ANKRD28: variants seen among roughly 807,000 people sequenced by gnomAD.
ANKRD28 encodes the protein ankyrin repeat domain 28.
Under a neutral mutation model 126.5 loss-of-function variants are expected in ANKRD28, and 44 were observed. That is an observed-to-expected ratio of 0.35 (90% CI 0.27 to 0.45). ANKRD28 has a LOEUF of 0.45. Among genes scored for constraint, ANKRD28 ranks in the 20% least tolerant of loss-of-function variants. The pLI is 1.00. For synonymous variants in ANKRD28, 442 were observed against 468.5 expected (o/e 0.94, Z 0.73); for missense variants, 1,110 against 1,316.6 (o/e 0.84, Z 2.43).
In ANKRD28 at chr3:15,858,760, T is replaced by A. The variant is rs116314809; in HGVS notation, c.27+617A>T. Among the ~76,000 whole-genome samples the A allele has an allele frequency of 3.6e-3, 545 of 152,330 alleles. 4 individuals carry two copies. Among genetic ancestry groups the A allele is most frequent in the African/African-American group, 0.013 (524 of 41,566 alleles). On this transcript the variant is annotated intron_variant, in intron 1 of 27. Coordinates refer to the ANKRD28 transcript ENST00000399451. The stretch of plus-strand genomic sequence containing the variant: ...ACATTCAGATACAGTTGCGATTTCG[T>A]TCCTAGATACAAAGTAGTTTTTCAG...
chr3:15,735,129 T>C (rs908121750), intron 6 of ANKRD28, among the ~76,000 whole-genome samples: 1 of 152,208 alleles, frequency 6.6e-6, no homozygotes, highest in East Asian at 1.9e-4. Context: ...GAATGGGCTT[T>C]AGTAAACATC....
chr3:15,741,381 T>C (rs529360058), intron 4 of ANKRD28, among the ~76,000 whole-genome samples: 2 of 152,248 alleles, frequency 1.3e-5, no homozygotes, highest in African/African-American at 4.8e-5. Flanking sequence ...ATATTATCAG[T>C]GTATCATCAT....
chr3:15,697,094 A>G (rs2069702024), intron 14 of ANKRD28, among the ~76,000 whole-genome samples: 1 of 152,232 alleles, frequency 6.6e-6, no homozygotes, highest in Admixed American at 6.5e-5. Flanking sequence ...TATATACACC[A>G]TGGAATACTA....
At chr3:15,721,205 T>C in intron 7 of ANKRD28, 78 bp from the exon 8 acceptor site, 1 of 1,204,710 alleles carries the variant, frequency 8.3e-7, no homozygotes, top group Non-Finnish European at 1.2e-6. Flanking sequence ...TAGCAACCTG[T>C]GGTTGCAATC....
chr3:15,695,284 T>G, intron 15 of ANKRD28, 70 bp from the exon 16 acceptor site: 1 of 1,181,848 alleles, frequency 8.5e-7, no homozygotes, highest in Non-Finnish European at 1.2e-6. Context: ...TCAACTTATA[T>G]AGAGCTTTGC....
chr3:15,704,191 C>A (rs1022637840), intron 14 of ANKRD28, among the ~76,000 whole-genome samples: 2 of 152,002 alleles, frequency 1.3e-5, no homozygotes, highest in Non-Finnish European at 2.9e-5. Flanking sequence ...TTGCTGGATT[C>A]TTACATGATG....
intron 18 of ANKRD28, among the ~76,000 whole-genome samples, chr3:15,686,818 A>T (rs1204838546): frequency 1.3e-5 from 2 of 152,218 alleles, no homozygotes; most frequent in Non-Finnish European, 2.9e-5. Context: ...TTTTAGATGC[A>T]ATCCTTAAAA....
rs2060788199 is a variant in ANKRD28, at chr3:15,814,329, T to C, written c.28-19023A>G. On this transcript the variant is annotated intron_variant, in intron 1 of 27. Transcript: ENST00000399451. This position sits in a 1 kb window ranked among gnomAD's most constrained non-coding sequence, Gnocchi z 4.7. Reference sequence around the variant, plus strand: ...ACAGGCCTGTAGCAGAAAACAGATATCAAAAGAAAGAATACGCTGATCCTA... The same window carrying C: ...ACAGGCCTGTAGCAGAAAACAGATACCAAAAGAAAGAATACGCTGATCCTA... The C allele has an allele frequency of 7.9e-6, 10 of 1,265,492 alleles. No individual in the cohort carries two copies. The highest frequency in any genetic ancestry group is 5.8e-5 in the East Asian group (1 of 17,216). 78.4% of individuals were successfully genotyped at this position (1,265,492 alleles called of 1,614,324 possible). A position where few individuals can be genotyped will look rare whatever the true frequency, so the allele number is the denominator to read the frequency against.
intron 21 of ANKRD28, 130 bp downstream of exon 21, chr3:15,685,096 C>G: frequency 1.2e-6 from 1 of 848,926 alleles, no homozygotes; most frequent in Non-Finnish European, 1.9e-6. Flanking sequence ...ATTATTAGTA[C>G]GTGAGCCTAT....
In ANKRD28 at chr3:15,690,232, T is replaced by A; in HGVS notation, c.1762-12A>T. 1.3e-6 allele frequency: 2 copies of A among 1,545,192 alleles called. No homozygotes were observed. Among genetic ancestry groups the A allele is most frequent in the Non-Finnish European group, 8.7e-7 (1 of 1,145,036 alleles). ...TGACCATGATAGGCCTAGAAATAAA[T>A]AAAAATGTAAATTTAAAACATACAT... On this transcript the variant is annotated splice_polypyrimidine_tract_variant and intron_variant, in intron 17 of 27. Transcript: ENST00000683139.
At position 15,709,718 on chromosome 3, in the gene ANKRD28, G is replaced by A. The variant is rs758261811; in HGVS notation, c.1356C>T (p.Asn452=). 1.1e-5 allele frequency: 17 copies of A among 1,574,872 alleles called. No homozygotes were observed. The South Asian group carries it at 1.9e-4, about 17-fold the overall frequency. The change falls in exon 13 of 28, where the codon AAC becomes AAT. Residue 452 remains asparagine (N), a synonymous_variant. Coordinates refer to ENST00000683139, the MANE Select transcript of ANKRD28 (RefSeq NM_001349278.2). ...AAAGGNLECL[N]LLLNTGADFN... Reference sequence around the variant, plus strand: ...AGTCTGCACCAGTATTCAGCAGAAGGTTTAGGCACTCCAAATTCCTATTGA... The same window carrying A: ...AGTCTGCACCAGTATTCAGCAGAAGATTTAGGCACTCCAAATTCCTATTGA...
At chr3:15,859,583 G>GC (rs2061861727) in exon 1 of ANKRD28, 5 of 170,028 alleles carry the variant, frequency 2.9e-5, no homozygotes, top group Non-Finnish European at 5.7e-5. Flanking sequence ...CCGGCCGCCC[G>GC]CCGCCGCCGC....
Position 15,838,675 on chromosome 3 carries a change from G to C in ANKRD28, c.27+20702C>G, listed in dbSNP as rs2061369822. Among the ~76,000 whole-genome samples, 1 of 151,850 alleles carries C rather than the reference G, an allele frequency of 6.6e-6. No individual in the cohort carries two copies. On this transcript the variant is annotated intron_variant, in intron 1 of 27. Coordinates refer to the ANKRD28 transcript ENST00000399451. The surrounding 1 kb of genome is among the most constrained non-coding windows in gnomAD (Gnocchi z 4.0). The stretch of plus-strand genomic sequence containing the variant: ...AGGCAGGAGAACTACTTGAACCCAG[G>C]AGGTAGAGGTTGCAGTGAGCCGGGA...
chr3:15,736,606 C>T (rs1003977876), intron 5 of ANKRD28, among the ~76,000 whole-genome samples: 1 of 152,208 alleles, frequency 6.6e-6, no homozygotes, highest in South Asian at 2.1e-4. Context: ...TGTAAGATAA[C>T]TAAATAGCAA....
chr3:15,679,660 T>A, intron 21 of ANKRD28, 97 bp from the exon 22 acceptor site: 1 of 896,130 alleles, frequency 1.1e-6, no homozygotes, highest in Non-Finnish European at 1.7e-6. Context: ...TGTAAAAGTC[T>A]CTCCCTCATC....
chr3:15,671,846 A>C (rs1435958793), intron 27 of ANKRD28, among the ~76,000 whole-genome samples: 1 of 151,984 alleles, frequency 6.6e-6, no homozygotes. Context: ...CGGCCTCCCA[A>C]ATGCTGGGAT....
rs73042075 is a variant in ANKRD28, at chr3:15,837,159, G to A, written c.27+22218C>T. Among the ~76,000 whole-genome samples the A allele has an allele frequency of 5.9e-3, 887 of 150,258 alleles. 6 individuals are homozygous for A. Among genetic ancestry groups the A allele is most frequent in the Middle Eastern group, 0.014 (4 of 290 alleles). ...GCTAACAAAACAGTCCCAAAATAGG[G>A]AAATCAAAAAAATGACAGAAATGAA... On this transcript the variant is annotated intron_variant, in intron 1 of 27. Coordinates refer to the ANKRD28 transcript ENST00000399451.
intron 6 of ANKRD28, 40 bp from the exon 7 acceptor site, chr3:15,724,564 T>A (rs377456358): frequency 7.8e-5 from 117 of 1,509,148 alleles, no homozygotes; most frequent in Middle Eastern, 1.7e-4. Context: ...GAGATGAGCA[T>A]ATGAAAACTA....
chr3:15,729,243 C>T (rs2074404813), intron 6 of ANKRD28, among the ~76,000 whole-genome samples: 1 of 152,196 alleles, frequency 6.6e-6, no homozygotes. Flanking sequence ...TTAGATTATA[C>T]AGTGTTTTCT....
Sources: allele counts gnomAD v4.1 joint callset (sites outside exome capture counted in the v4.1 genomes callset), GRCh38; gene constraint gnomAD v4.1.1; non-coding constraint Gnocchi (gnomAD v3.1); transcripts MANE v1.5; gene names NCBI Gene and HGNC (gene_info 2026-07-23, HGNC 2026-07-21).